Variants in MAPRE2 observed in about 807,000 individuals in gnomAD.
MAPRE2 encodes microtubule associated protein RP/EB family member 2.
In MAPRE2, 13 loss-of-function variants were observed where a neutral mutation model predicts 43.2. The ratio of observed to expected loss-of-function variants is 0.30; its 90% confidence interval spans 0.20 to 0.48. The LOEUF is 0.48. Among genes scored for constraint, MAPRE2 ranks in the 20% least tolerant of loss-of-function variants. The pLI, the probability that MAPRE2 is intolerant of heterozygous loss-of-function variation, is 0.99. For missense variants in MAPRE2, 161 were observed against 400.2 expected, an observed-to-expected ratio of 0.40 and a Z score of 5.10; for synonymous variants, 135 against 148.8, an observed-to-expected ratio of 0.91 and a Z score of 0.68.
intron 2 of MAPRE2, among the ~76,000 whole-genome samples, chr18:35,034,851 G>C (rs1734815703): frequency 6.6e-6 from 1 of 152,162 alleles, no homozygotes. Flanking sequence ...TCATTAAAAA[G>C]TCAGGAAACA....
At chr18:35,133,900 C>A (rs1275829306) in intron 6 of MAPRE2, among the ~76,000 whole-genome samples, 1 of 152,148 alleles carries the variant, frequency 6.6e-6, no homozygotes, top group African/African-American at 2.4e-5. Context: ...CACCACCCGA[C>A]CCCACACACA....
chr18:35,027,587 G>A (rs1333069775), intron 2 of MAPRE2, among the ~76,000 whole-genome samples: 2 of 152,154 alleles, frequency 1.3e-5, no homozygotes, highest in Non-Finnish European at 2.9e-5. Flanking sequence ...ACCTAGCCAA[G>A]CCCAGTCAAC....
chr18:35,013,415 C>T (rs1421399233), intron 2 of MAPRE2, among the ~76,000 whole-genome samples: 1 of 152,116 alleles, frequency 6.6e-6, no homozygotes. Context: ...AGTTCTTGTA[C>T]ATATTCATGG....
At chr18:34,989,345 G>A (rs557807407) in intron 1 of MAPRE2, among the ~76,000 whole-genome samples, 7 of 151,968 alleles carry the variant, frequency 4.6e-5, no homozygotes, top group South Asian at 4.2e-4. Context: ...GCCTTCTCTC[G>A]GTCTTCTATC....
chr18:35,079,235 A>T (rs539703647), intron 2 of MAPRE2, among the ~76,000 whole-genome samples: 1 of 152,208 alleles, frequency 6.6e-6, no homozygotes, highest in African/African-American at 2.4e-5. Context: ...ACACATCCTT[A>T]TTTCCTCCTT....
In MAPRE2 at chr18:35,141,263, G is replaced by C. The variant is rs1300911962; in HGVS notation, c.*894G>C. 2 of 152,168 alleles carry C rather than the reference G, an allele frequency of 1.3e-5. No individual in the cohort carries two copies. Among genetic ancestry groups the C allele is most frequent in the Non-Finnish European group, 2.9e-5 (2 of 68,082 alleles). The allele number at this position is 152,168 out of a possible 1,614,324, so 9.4% of individuals were successfully genotyped here. A position where few individuals can be genotyped will look rare whatever the true frequency, so the allele number is the denominator to read the frequency against. On this transcript the variant is annotated 3_prime_UTR_variant, in exon 7 of 7. Coordinates refer to ENST00000300249, the MANE Select transcript of MAPRE2 (RefSeq NM_014268.4). ...CTCATTCCTCTTCCTCTTTGTGTAG[G>C]TTTCAGCCACAAAACTGTCATTCAC...
At chr18:35,043,303 C>G (rs988976931) in intron 1 of MAPRE2, among the ~76,000 whole-genome samples, 5 of 152,102 alleles carry the variant, frequency 3.3e-5, no homozygotes, top group Non-Finnish European at 4.4e-5. Flanking sequence ...AAATTTGAAG[C>G]CTTCATTTTC....
chr18:35,131,416 C>G (rs1006758868), intron 5 of MAPRE2, among the ~76,000 whole-genome samples: 3 of 152,196 alleles, frequency 2.0e-5, no homozygotes, highest in African/African-American at 7.2e-5. Flanking sequence ...TTACTTCTCA[C>G]AGTTCTGGAG....
At chr18:35,002,851 A>G (rs1452847767) in intron 1 of MAPRE2, among the ~76,000 whole-genome samples, 2 of 152,028 alleles carry the variant, frequency 1.3e-5, no homozygotes, top group African/African-American at 4.8e-5. Flanking sequence ...TCTAGTTTAT[A>G]TCTTGTATTT....
rs190257829 is a variant in MAPRE2, at chr18:35,051,606, A to G, written c.122+9945A>G. On this transcript the variant is annotated intron_variant, in intron 1 of 6. Transcript: ENST00000300249. ...TCCCCTACCTCCTTTCCTAACCTCC[A>G]GGAGGACCAGTTGGGGTCCTCAAAG... Among the ~76,000 whole-genome samples the G allele has an allele frequency of 1.7e-3, 258 of 152,332 alleles. 1 individual carries two copies. Among genetic ancestry groups the G allele is most frequent in the Middle Eastern group, 0.01 (3 of 294 alleles).
intron 1 of MAPRE2, among the ~76,000 whole-genome samples, chr18:35,050,423 A>G (rs1318630634): frequency 6.6e-6 from 1 of 152,178 alleles, no homozygotes; most frequent in African/African-American, 2.4e-5. Context: ...CATCTGCCTC[A>G]TTTAGCCCTT....
intron 4 of MAPRE2, among the ~76,000 whole-genome samples, chr18:35,116,991 A>G (rs1364269188): frequency 6.6e-6 from 1 of 152,206 alleles, no homozygotes; most frequent in Non-Finnish European, 1.5e-5. Flanking sequence ...CACATTAGAG[A>G]GGGCACAGTT....
At chr18:35,007,049 G>C (rs1275527009) in intron 2 of MAPRE2, among the ~76,000 whole-genome samples, 1 of 152,208 alleles carries the variant, frequency 6.6e-6, no homozygotes, top group African/African-American at 2.4e-5. Context: ...CTCTAGGACA[G>C]AGTTGGGACA....
chr18:35,097,126 C>G (rs1444998501), intron 2 of MAPRE2, among the ~76,000 whole-genome samples: 1 of 152,126 alleles, frequency 6.6e-6, no homozygotes, highest in African/African-American at 2.4e-5. Flanking sequence ...GAAGGAGCTC[C>G]TTTTATCCTG....
At chr18:35,106,184 C>T (rs1908895551) in intron 4 of MAPRE2, among the ~76,000 whole-genome samples, 1 of 152,106 alleles carries the variant, frequency 6.6e-6, no homozygotes, top group Non-Finnish European at 1.5e-5. Flanking sequence ...CACCTCTAAG[C>T]CTTGGTCATT....
At chr18:34,985,204 A>G (rs1298522565) in intron 1 of MAPRE2, among the ~76,000 whole-genome samples, 1 of 70,498 alleles carries the variant, frequency 1.4e-5, no homozygotes, top group Non-Finnish European at 2.4e-5. Context: ...TAAAATATAT[A>G]TAATAAAAAT....
At chr18:35,065,263 A>C (rs1246983991) in intron 1 of MAPRE2, among the ~76,000 whole-genome samples, 2 of 151,292 alleles carry the variant, frequency 1.3e-5, no homozygotes, top group African/African-American at 4.9e-5. Flanking sequence ...GCGCTGCTGC[A>C]CTCCAGCCTG....
At chr18:35,096,116 A>C (rs1278611096) in intron 2 of MAPRE2, among the ~76,000 whole-genome samples, 4 of 152,122 alleles carry the variant, frequency 2.6e-5, no homozygotes, top group Non-Finnish European at 4.4e-5. Context: ...AAGGATGCCT[A>C]ACCTTTATTT....
intron 2 of MAPRE2, among the ~76,000 whole-genome samples, chr18:35,086,929 A>T (rs1907908308): frequency 6.6e-6 from 1 of 152,194 alleles, no homozygotes; most frequent in Non-Finnish European, 1.5e-5. Flanking sequence ...TAAATTTGTT[A>T]TTAGAGTAAT....
Sources: allele counts gnomAD v4.1 joint callset (sites outside exome capture counted in the v4.1 genomes callset), GRCh38; gene constraint gnomAD v4.1.1; transcripts MANE v1.5; gene names NCBI Gene and HGNC (gene_info 2026-07-23, HGNC 2026-07-21).